IGSF11: variants seen among roughly 807,000 people sequenced by gnomAD.
IGSF11 encodes the protein CXADR like 1.
IGSF11 carries 22 observed loss-of-function variants against 41.0 expected under a neutral mutation model. The ratio of observed to expected loss-of-function variants is 0.54; its 90% confidence interval spans 0.38 to 0.77. IGSF11 has a LOEUF of 0.77. Among genes scored for constraint, IGSF11 ranks in the 30% least tolerant of loss-of-function variants. IGSF11 has a pLI of 0.00. For synonymous variants in IGSF11, 219 were observed against 201.3 expected (o/e 1.09, Z -0.74); for missense variants, 444 against 530.8 (o/e 0.84, Z 1.61).
chr3:118,993,656 T>C (rs1204402301), intron 1 of IGSF11, among the ~76,000 whole-genome samples: 1 of 152,190 alleles, frequency 6.6e-6, no homozygotes, highest in Non-Finnish European at 1.5e-5. Flanking sequence ...TATCCATACA[T>C]GTAATATTAT....
intron 1 of IGSF11, among the ~76,000 whole-genome samples, chr3:119,050,276 C>G (rs937907969): frequency 1.3e-5 from 2 of 151,524 alleles, no homozygotes; most frequent in Admixed American, 6.6e-5. Context: ...TATCCAGAAC[C>G]TACAATGAAC....
intron 1 of IGSF11, among the ~76,000 whole-genome samples, chr3:119,087,558 G>T (rs534560221): frequency 6.6e-5 from 10 of 152,216 alleles, no homozygotes; most frequent in African/African-American, 2.2e-4. Context: ...TCACTCATCT[G>T]TGGGAGCTAA....
chr3:119,008,812 A>G (rs567796992), intron 1 of IGSF11, among the ~76,000 whole-genome samples: 2 of 152,334 alleles, frequency 1.3e-5, no homozygotes, highest in East Asian at 1.9e-4. Context: ...GACTGAGTAC[A>G]GCAGATTGTC....
chr3:119,025,073 T>C (rs1435875998), intron 1 of IGSF11, among the ~76,000 whole-genome samples: 2 of 152,178 alleles, frequency 1.3e-5, no homozygotes, highest in Non-Finnish European at 2.9e-5. Context: ...CTACAACAGA[T>C]GGAGATAGTT....
chr3:118,913,436 C>T (rs1235496457), intron 4 of IGSF11, among the ~76,000 whole-genome samples: 2 of 152,134 alleles, frequency 1.3e-5, no homozygotes, highest in African/African-American at 4.8e-5. Context: ...GGAAGGAAAA[C>T]ACAAATGCCT....
chr3:118,975,328 A>G (rs1240666179), intron 1 of IGSF11, among the ~76,000 whole-genome samples: 2 of 151,980 alleles, frequency 1.3e-5, no homozygotes, highest in Admixed American at 6.6e-5. Flanking sequence ...AGATTTTACC[A>G]TATGTGACAA....
At chr3:118,963,914 T>A (rs1205269123) in intron 1 of IGSF11, among the ~76,000 whole-genome samples, 5 of 152,142 alleles carry the variant, frequency 3.3e-5, no homozygotes, top group Admixed American at 3.3e-4. Flanking sequence ...TGAGTGAGAA[T>A]CACAACGAGC....
rs370143381 is a variant in IGSF11 at position 118,988,316 on chromosome 3, A to C, written c.52+46215T>G. Among the ~76,000 whole-genome samples, 5 of 152,220 alleles carry C rather than the reference A, an allele frequency of 3.3e-5. No homozygotes were observed. In the East Asian group the frequency reaches 5.8e-4, roughly 18 times the overall value. ...GTCAATTAACCCCTGTGAGGACTAA[A>C]AGGAAGAGTTAAAAAGCTACCCTAG... is the stretch of plus-strand genomic sequence containing the variant. On this transcript the variant is annotated intron_variant, in intron 1 of 6. Transcript: ENST00000393775.
chr3:118,935,425 C>T (rs1027175020), intron 1 of IGSF11, among the ~76,000 whole-genome samples: 7 of 144,550 alleles, frequency 4.8e-5, no homozygotes, highest in East Asian at 4.1e-4. Context: ...TACGTATATA[C>T]ATATACGTAT....
At chr3:119,133,557 C>G (rs2077514850) in intron 1 of IGSF11, among the ~76,000 whole-genome samples, 1 of 152,158 alleles carries the variant, frequency 6.6e-6, no homozygotes, top group East Asian at 1.9e-4. Flanking sequence ...ATAACAGGTT[C>G]TGAAATTGAG....
chr3:118,953,203 G>A (rs1238632841), intron 1 of IGSF11, among the ~76,000 whole-genome samples: 1 of 152,036 alleles, frequency 6.6e-6, no homozygotes, highest in Non-Finnish European at 1.5e-5. Flanking sequence ...GCTCCATCCA[G>A]GTTGCTGTAA....
At chr3:118,989,432 A>G (rs957657046) in intron 1 of IGSF11, among the ~76,000 whole-genome samples, 5 of 151,928 alleles carry the variant, frequency 3.3e-5, no homozygotes, top group African/African-American at 1.2e-4. Context: ...AGCTCACTGC[A>G]ACCTCCGCCT....
chr3:119,099,100 G>T (rs1003102792), intron 1 of IGSF11, among the ~76,000 whole-genome samples: 1 of 152,188 alleles, frequency 6.6e-6, no homozygotes, highest in African/African-American at 2.4e-5. Context: ...GGTCACAGGT[G>T]CAGAATGACA....
Position 119,034,579 on chromosome 3 carries a change from T to A in IGSF11, c.4A>T (p.Thr2Ser), listed in dbSNP as rs774885432. The A allele has an allele frequency of 6.3e-7, 1 of 1,590,586 alleles. No homozygotes were observed. The highest frequency in any genetic ancestry group is 1.4e-5 in the African/African-American group (1 of 73,576). Reference protein sequence around the residue: MTSQRSPLAPLL... With the variant: MSSQRSPLAPLL... ...GGCGCCAGAGGGGAACGCTGAGAAG[T>A]CATCCCGGGGCCGCAGGGAGCGCGC... Residue 2 changes from threonine (T) to serine (S), a missense_variant, in exon 1 of 7, where the codon ACT (threonine) becomes TCT (serine). By Grantham distance (58) the Thr-to-Ser change is moderately conservative (BLOSUM62 1). This residue lies in a region of IGSF11 where 28 missense variants were observed against 21.1 expected (regional missense o/e 1.33). Coordinates refer to ENST00000393775, the MANE Select transcript of IGSF11 (RefSeq NM_001015887.3).
chr3:119,076,580 C>T (rs2076503410), intron 1 of IGSF11, among the ~76,000 whole-genome samples: 1 of 152,118 alleles, frequency 6.6e-6, no homozygotes, highest in Non-Finnish European at 1.5e-5. Flanking sequence ...AAACAAACAA[C>T]CCCATCAAAA....
At chr3:118,932,151 C>CA (rs1380565934) in intron 1 of IGSF11, among the ~76,000 whole-genome samples, 1 of 152,140 alleles carries the variant, frequency 6.6e-6, no homozygotes, top group Non-Finnish European at 1.5e-5. Flanking sequence ...CATGGGAAGT[C>CA]AAAATAACTG....
At chr3:119,093,540 AACGTCAAT>A (rs2076799520) in intron 1 of IGSF11, among the ~76,000 whole-genome samples, 1 of 152,310 alleles carries the variant, frequency 6.6e-6, no homozygotes, top group South Asian at 2.1e-4. Context: ...AGGTATCTTC[AACGTCAAT>A]ACCGAAAGCA....
chr3:118,905,709 T>G lies in IGSF11; in HGVS notation c.590A>C (p.Gln197Pro). 2 of 1,613,760 alleles carry G rather than the reference T, an allele frequency of 1.2e-6. No individual in the cohort carries two copies. The highest frequency in any genetic ancestry group is 1.7e-6 in the Non-Finnish European group (2 of 1,179,732). ...LPPTATQDQV[Q>P]GTVTIRNISA... ...GATGTTCCGGATGGTGACTGTTCCCTGGACCTGGTCTGTCACAAAAATAAT... is the reference window on the plus strand; with the variant it reads ...GATGTTCCGGATGGTGACTGTTCCCGGGACCTGGTCTGTCACAAAAATAAT... The change falls in exon 5 of 7, where the codon CAG becomes CCG. Residue 197 changes from glutamine (Q) to proline (P), a missense_variant. This residue lies in a region of IGSF11 where 193 missense variants were observed against 283.5 expected (regional missense o/e 0.68). Coordinates refer to ENST00000393775, the MANE Select transcript of IGSF11 (RefSeq NM_001015887.3).
At chr3:118,996,754 A>C (rs1936308142) in intron 1 of IGSF11, among the ~76,000 whole-genome samples, 1 of 151,934 alleles carries the variant, frequency 6.6e-6, no homozygotes, top group Admixed American at 6.6e-5. Flanking sequence ...TGCTTGCCAC[A>C]ATGCCTGGCT....
Sources: allele counts gnomAD v4.1 joint callset (sites outside exome capture counted in the v4.1 genomes callset), GRCh38; gene constraint gnomAD v4.1.1; regional missense constraint gnomAD v4.1.1; transcripts MANE v1.5; gene names NCBI Gene and HGNC (gene_info 2026-07-23, HGNC 2026-07-21).